AUTS2: variants seen among roughly 807,000 people sequenced by gnomAD.
AUTS2 encodes the protein autism susceptibility gene 2 protein.
A neutral mutation model predicts 112.4 loss-of-function variants in AUTS2; 17 were observed. That is an observed-to-expected ratio of 0.15 (90% confidence interval 0.10 to 0.23). The LOEUF is 0.23. AUTS2 is among the 10% of genes least tolerant of loss of function. The pLI, the probability that AUTS2 is intolerant of heterozygous loss-of-function variation, is 1.00. For synonymous variants in AUTS2, 751 were observed against 702.7 expected (o/e 1.07, Z -1.09); for missense variants, 1,510 against 1,701.6 (o/e 0.89, Z 1.98).
chr7:69,942,026 A>G (rs547494862), intron 2 of AUTS2, among the ~76,000 whole-genome samples: 3 of 152,344 alleles, frequency 2.0e-5, no homozygotes, highest in African/African-American at 7.2e-5. Flanking sequence ...CACCTGAATA[A>G]CTGATGGTGG....
rs1024616762 is a variant in AUTS2 at position 70,569,390 on chromosome 7, T to C, written c.691-129179T>C. On this transcript the variant is annotated intron_variant, in intron 5 of 18. Coordinates refer to ENST00000342771, the MANE Select transcript of AUTS2 (RefSeq NM_015570.4). ...AATTCTTGCCCATAAAGCCGATCTT[T>C]CCATTACATTATATCATAGAGCAAG... 2.6e-5 allele frequency among the ~76,000 whole-genome samples: 4 copies of C among 152,346 alleles called. No homozygotes were observed. The East Asian group carries it at 5.8e-4, about 22-fold the overall frequency.
At position 69,881,097 on chromosome 7, in the gene AUTS2, A is replaced by C. The variant is rs541409844; in HGVS notation, c.310-18189A>C. On this transcript the variant is annotated intron_variant, in intron 1 of 18. Coordinates refer to ENST00000342771, the MANE Select transcript of AUTS2 (RefSeq NM_015570.4). ...GCATTAGATTATGGTTAAGCAGCTT[A>C]TGGACATAAAAACACATTAGAACTT... 3.9e-4 allele frequency among the ~76,000 whole-genome samples: 59 copies of C among 152,348 alleles called. 1 individual carries two copies. Among genetic ancestry groups the C allele is most frequent in the Admixed American group, 3.8e-3 (58 of 15,304 alleles).
At chr7:70,657,059 C>T (rs1806808275) in intron 5 of AUTS2, among the ~76,000 whole-genome samples, 1 of 152,182 alleles carries the variant, frequency 6.6e-6, no homozygotes, top group South Asian at 2.1e-4. Context: ...AATATCATCT[C>T]TGATGGCATT....
chr7:70,371,749 G>A (rs1212913097), intron 4 of AUTS2, among the ~76,000 whole-genome samples: 2 of 152,126 alleles, frequency 1.3e-5, no homozygotes, highest in East Asian at 1.9e-4. Context: ...GATGTAATGA[G>A]TCACTGATAG....
At chr7:70,552,658 C>T (rs888332904) in intron 5 of AUTS2, among the ~76,000 whole-genome samples, 6 of 152,164 alleles carry the variant, frequency 3.9e-5, no homozygotes, top group African/African-American at 1.2e-4. Flanking sequence ...GATTCCCCTA[C>T]GGATTTAGAC....
chr7:70,588,910 G>A (rs996589593), intron 5 of AUTS2, among the ~76,000 whole-genome samples: 1 of 152,082 alleles, frequency 6.6e-6, no homozygotes, highest in Non-Finnish European at 1.5e-5. Context: ...CTGAATTCGG[G>A]TATTTCTGGA....
chr7:70,496,285 A>C (rs1798496847), intron 5 of AUTS2, among the ~76,000 whole-genome samples: 1 of 129,710 alleles, frequency 7.7e-6, no homozygotes, highest in Non-Finnish European at 1.6e-5. Context: ...ATCAGCGTCG[A>C]TCACACACCC....
intron 5 of AUTS2, among the ~76,000 whole-genome samples, chr7:70,476,620 A>T (rs1168694139): frequency 6.6e-6 from 1 of 152,310 alleles, no homozygotes; most frequent in South Asian, 2.1e-4. Flanking sequence ...AGACTATAGC[A>T]TATCCATGTG....
At chr7:69,688,126 T>G (rs1312412221) in intron 1 of AUTS2, among the ~76,000 whole-genome samples, 2 of 152,262 alleles carry the variant, frequency 1.3e-5, no homozygotes, top group Non-Finnish European at 2.9e-5. Flanking sequence ...TATGTTTACA[T>G]GTGTATTAAA....
intron 1 of AUTS2, among the ~76,000 whole-genome samples, chr7:69,765,786 A>G (rs540724191): frequency 2.6e-4 from 39 of 152,016 alleles, no homozygotes; most frequent in Non-Finnish European, 4.3e-4. Context: ...CAAAAAATAC[A>G]AAGAAAAAAA....
At chr7:70,542,295 T>C (rs1278635721) in intron 5 of AUTS2, among the ~76,000 whole-genome samples, 1 of 152,256 alleles carries the variant, frequency 6.6e-6, no homozygotes, top group East Asian at 1.9e-4. Context: ...TCTGTTTTAT[T>C]TTCCAAGTCA....
At chr7:70,031,622 G>A (rs549809245) in intron 2 of AUTS2, among the ~76,000 whole-genome samples, 5 of 152,246 alleles carry the variant, frequency 3.3e-5, no homozygotes, top group African/African-American at 9.6e-5. Context: ...TGAGGAAGGC[G>A]CTTTGAGGAT....
rs1477832912 is a variant in AUTS2 at position 70,444,371 on chromosome 7, TGTGA to T, written c.690+8592_690+8595del. 4.9e-3 allele frequency among the ~76,000 whole-genome samples: 691 copies of T among 141,942 alleles called. 2 individuals carry two copies. Among genetic ancestry groups the T allele is most frequent in the Non-Finnish European group, 5.4e-3 (358 of 66,116 alleles). 93.1% of individuals were successfully genotyped at this position (141,942 alleles called of 152,430 possible). On this transcript the variant is annotated intron_variant, in intron 5 of 18. Transcript: ENST00000342771. ...GTGTGTGTGTGTGTGTGTGTGTGTG[TGTGA>T]GAGAGAGAGAGAGAGAGAAAGAGTT...
chr7:70,268,565 G>A lies in AUTS2; in HGVS notation c.660+133994G>A, dbSNP rs1012103998. Among the ~76,000 whole-genome samples, 4 of 152,242 alleles carry A rather than the reference G, an allele frequency of 2.6e-5. No individual in the cohort carries two copies. In the East Asian group the frequency reaches 7.7e-4, roughly 29 times the overall value. ...TTCTGGGTTTAGGCTTCAGTGAAGG[G>A]ACTTTAAGTCTCTTAACCCTTCTTT... On this transcript the variant is annotated intron_variant, in intron 4 of 18. Transcript: ENST00000342771.
At chr7:69,807,216 A>G (rs751208290) in intron 1 of AUTS2, among the ~76,000 whole-genome samples, 34 of 152,212 alleles carry the variant, frequency 2.2e-4, no homozygotes, top group Non-Finnish European at 4.3e-4. Context: ...CAAATTGGAA[A>G]CATTGGATTG....
intron 6 of AUTS2, among the ~76,000 whole-genome samples, chr7:70,740,267 T>G (rs1788026583): frequency 1.3e-5 from 2 of 152,228 alleles, no homozygotes; most frequent in Non-Finnish European, 2.9e-5. Flanking sequence ...CTTTTTACAG[T>G]CCTTCAGGTT....
chr7:70,377,325 A>AATATATATATATATAT (rs58244266), intron 4 of AUTS2, among the ~76,000 whole-genome samples: 25 of 52,084 alleles, frequency 4.8e-4, no homozygotes, highest in Non-Finnish European at 7.7e-4. Context: ...AACAAATATA[A>AATATATATATATATAT]ATATATATAT....
intron 4 of AUTS2, among the ~76,000 whole-genome samples, chr7:70,385,155 C>T (rs1358658599): frequency 1.3e-5 from 2 of 152,176 alleles, no homozygotes; most frequent in African/African-American, 4.8e-5. Context: ...ATGCACCTCA[C>T]CGCACATAAT....
intron 4 of AUTS2, among the ~76,000 whole-genome samples, chr7:70,191,596 T>G (rs2129583252): frequency 6.6e-6 from 1 of 152,354 alleles, no homozygotes; most frequent in South Asian, 2.1e-4. Flanking sequence ...CTGCATAAAG[T>G]GACTTGCTTT....
Sources: allele counts gnomAD v4.1 joint callset (sites outside exome capture counted in the v4.1 genomes callset), GRCh38; gene constraint gnomAD v4.1.1; transcripts MANE v1.5; gene names NCBI Gene and HGNC (gene_info 2026-07-23, HGNC 2026-07-21).